Variants in TNFRSF21 observed in about 807,000 individuals in gnomAD.
TNFRSF21 encodes TNF receptor superfamily member 21.
In TNFRSF21, 19 loss-of-function variants were observed where a neutral mutation model predicts 45.6. The observed-to-expected ratio is 0.42, with a 90% CI of 0.29 to 0.61. The LOEUF is 0.61. TNFRSF21 is among the 20% of genes least tolerant of loss of function. TNFRSF21 has a pLI of 0.23. For missense variants in TNFRSF21, 737 were observed against 851.5 expected (o/e 0.87, Z 1.67); for synonymous variants, 314 against 335.5 (o/e 0.94, Z 0.70).
At chr6:47,281,903 C>T (rs1762572429) in intron 3 of TNFRSF21, among the ~76,000 whole-genome samples, 1 of 151,570 alleles carries the variant, frequency 6.6e-6, no homozygotes, top group Non-Finnish European at 1.5e-5. Context: ...AAATAGTTGT[C>T]TTATTCAAGT....
intron 3 of TNFRSF21, among the ~76,000 whole-genome samples, chr6:47,258,220 A>G (rs1331234807): frequency 6.6e-6 from 1 of 151,902 alleles, no homozygotes; most frequent in Non-Finnish European, 1.5e-5. Flanking sequence ...AATACAAAAA[A>G]TTAGCGAGGC....
At chr6:47,235,768 CAGG>C (rs950295364) in intron 4 of TNFRSF21, among the ~76,000 whole-genome samples, 9 of 152,098 alleles carry the variant, frequency 5.9e-5, no homozygotes, top group Non-Finnish European at 1.0e-4. Flanking sequence ...AGAATGAGAA[CAGG>C]AGAAAATGAG....
At chr6:47,246,937 A>G (rs1764833190) in intron 4 of TNFRSF21, among the ~76,000 whole-genome samples, 1 of 152,186 alleles carries the variant, frequency 6.6e-6, no homozygotes, top group Non-Finnish European at 1.5e-5. Flanking sequence ...GCACACTTCT[A>G]TTATAACATT....
rs1762974190 is a variant in TNFRSF21 at position 47,308,736 on chromosome 6, T to A, written c.96+680A>T. On this transcript the variant is annotated intron_variant, in intron 1 of 5. Coordinates refer to ENST00000296861, the MANE Select transcript of TNFRSF21 (RefSeq NM_014452.5). ...TTCCAGTGCCGGCGCGCTGGCTGGC[T>A]GGAAGCCGGCGCTTTGGAGGCGCCG... Among the ~76,000 whole-genome samples the A allele has an allele frequency of 2.6e-5, 4 of 151,868 alleles. No homozygotes were observed. In the South Asian group the frequency reaches 8.3e-4, roughly 31 times the overall value.
chr6:47,286,107 C>T lies in TNFRSF21; in HGVS notation c.585G>A (p.Gln195=). The T allele has an allele frequency of 1.2e-6, 2 of 1,614,224 alleles. No individual in the cohort carries two copies. The highest frequency in any genetic ancestry group is 4.5e-5 in the East Asian group (2 of 44,882). The change falls in exon 2 of 6, where the codon CAG becomes CAA. Residue 195 remains glutamine (Q), a synonymous_variant. Coordinates refer to ENST00000296861, the MANE Select transcript of TNFRSF21 (RefSeq NM_014452.5). The part of the protein sequence containing the change: ...KCKAYTDCLS[Q]NLVVIKPGTK... ...TCCCCGGCTTGATCACCACCAGGTT[C>T]TGACTCAGACAGTCTGTGTATGCTT...
At chr6:47,279,655 T>C (rs891117392) in intron 3 of TNFRSF21, among the ~76,000 whole-genome samples, 5 of 152,196 alleles carry the variant, frequency 3.3e-5, no homozygotes, top group Admixed American at 1.3e-4. Flanking sequence ...CCCCATTACA[T>C]TGAGGTTATA....
At chr6:47,255,818 T>G (rs751815914) in intron 3 of TNFRSF21, among the ~76,000 whole-genome samples, 4 of 152,102 alleles carry the variant, frequency 2.6e-5, no homozygotes, top group Non-Finnish European at 4.4e-5. Context: ...ATAGCTGTTA[T>G]AGTTAACAAT....
At chr6:47,285,326 T>C (rs1417081796) in intron 2 of TNFRSF21, among the ~76,000 whole-genome samples, 1 of 152,300 alleles carries the variant, frequency 6.6e-6, no homozygotes, top group South Asian at 2.1e-4. Context: ...GAATAATTGA[T>C]ATAAGGAGTA....
chr6:47,306,232 C>A (rs947031950), intron 1 of TNFRSF21, among the ~76,000 whole-genome samples: 1 of 152,252 alleles, frequency 6.6e-6, no homozygotes, highest in Non-Finnish European at 1.5e-5. Flanking sequence ...GTGCAAGCAG[C>A]AAGAATACTT....
intron 1 of TNFRSF21, among the ~76,000 whole-genome samples, chr6:47,304,708 T>G (rs181139744): frequency 9.8e-5 from 15 of 152,362 alleles, no homozygotes; most frequent in Admixed American, 9.1e-4. Flanking sequence ...GCCTCCCTTT[T>G]TTCCCTTCCC....
chr6:47,242,649 ACCG>A (rs1764763490), intron 4 of TNFRSF21, among the ~76,000 whole-genome samples: 2 of 152,214 alleles, frequency 1.3e-5, no homozygotes, highest in Non-Finnish European at 2.9e-5. Flanking sequence ...CCGCCCCGCT[ACCG>A]GCACGGGTGT....
At chr6:47,246,932 C>T (rs1440585689) in intron 4 of TNFRSF21, among the ~76,000 whole-genome samples, 1 of 152,128 alleles carries the variant, frequency 6.6e-6, no homozygotes, top group Non-Finnish European at 1.5e-5. Context: ...CTCATGCACA[C>T]TTCTATTATA....
chr6:47,249,924 A>G (rs1425043067), intron 4 of TNFRSF21, among the ~76,000 whole-genome samples: 3 of 152,160 alleles, frequency 2.0e-5, no homozygotes, highest in Admixed American at 1.3e-4. Context: ...TTCCAAGAGA[A>G]AGCAAGAAAA....
intron 3 of TNFRSF21, among the ~76,000 whole-genome samples, chr6:47,269,110 C>T (rs1416804452): frequency 1.3e-5 from 2 of 152,056 alleles, no homozygotes; most frequent in African/African-American, 4.8e-5. Flanking sequence ...GGGCAAGTCA[C>T]CCTTCCTTCC....
In TNFRSF21 at chr6:47,253,374, T is replaced by G; in HGVS notation, c.1391A>C (p.Gln464Pro). Residue 464 changes from glutamine (Q) to proline (P), a missense_variant, in exon 4 of 6, where the codon CAG (glutamine) becomes CCG (proline). By Grantham distance (76) the Gln-to-Pro change is moderately conservative. Coordinates refer to ENST00000296861, the MANE Select transcript of TNFRSF21 (RefSeq NM_014452.5). ...CTCGGGGCCCCGGATGGTCCAGTGC[T>G]GCAGAGCTGCGTAGGCCCGCTCGTG... Reference protein sequence around the residue: ...ADHERAYAALQHWTIRGPEAS... With the variant: ...ADHERAYAALPHWTIRGPEAS... 6.2e-7 allele frequency: 1 copy of G among 1,614,170 alleles called. No individual in the cohort carries two copies.
At chr6:47,258,549 C>A (rs914703550) in intron 3 of TNFRSF21, among the ~76,000 whole-genome samples, 2 of 151,916 alleles carry the variant, frequency 1.3e-5, no homozygotes, top group Non-Finnish European at 2.9e-5. Flanking sequence ...TCAAGAGATT[C>A]TCCCAACTCA....
rs139362485 is a variant in TNFRSF21, at chr6:47,275,513, G to A, written c.1243+8425C>T. On this transcript the variant is annotated intron_variant, in intron 3 of 5. Coordinates refer to ENST00000296861, the MANE Select transcript of TNFRSF21 (RefSeq NM_014452.5). ...CCACCGGGGCCTGTTGGGGGGTGGC[G>A]GACTCGGGGAAGGATAGCATTAGCA... is the stretch of plus-strand genomic sequence containing the variant. Among the ~76,000 whole-genome samples, 469 of 152,194 alleles carry A rather than the reference G, an allele frequency of 3.1e-3. 2 individuals are homozygous for A. Among genetic ancestry groups the A allele is most frequent in the Middle Eastern group, 0.01 (3 of 294 alleles).
intron 4 of TNFRSF21, among the ~76,000 whole-genome samples, chr6:47,244,982 A>G (rs1206757126): frequency 6.6e-6 from 1 of 152,236 alleles, no homozygotes; most frequent in Non-Finnish European, 1.5e-5. Flanking sequence ...GCCTTTAAAA[A>G]GAAAAAGTGA....
In TNFRSF21 at chr6:47,233,866, C is replaced by T. The variant is rs192847387; in HGVS notation, c.1738+804G>A. The stretch of plus-strand genomic sequence containing the variant: ...AATAGTGTATGCTAATTCCCTACCC[C>T]GATATTAAAAATTAAAAGTTGCAAA... On this transcript the variant is annotated intron_variant, in intron 5 of 5. Coordinates refer to ENST00000296861, the MANE Select transcript of TNFRSF21 (RefSeq NM_014452.5). Among the ~76,000 whole-genome samples, 566 of 152,030 alleles carry T rather than the reference C, an allele frequency of 3.7e-3. 6 individuals are homozygous for T. Among genetic ancestry groups the T allele is most frequent in the African/African-American group, 0.012 (494 of 41,490 alleles).
Sources: allele counts gnomAD v4.1 joint callset (sites outside exome capture counted in the v4.1 genomes callset), GRCh38; gene constraint gnomAD v4.1.1; transcripts MANE v1.5; gene names NCBI Gene and HGNC (gene_info 2026-07-23, HGNC 2026-07-21).